CHUK: variants seen among roughly 807,000 people sequenced by gnomAD.
CHUK encodes component of inhibitor of nuclear factor kappa B kinase complex, also known as inhibitor of nuclear factor kappa-B kinase subunit alpha.
Under a neutral mutation model 104.8 loss-of-function variants are expected in CHUK, and 35 were observed. The ratio of observed to expected loss-of-function variants is 0.33; its 90% CI spans 0.26 to 0.44. The LOEUF (loss-of-function observed/expected upper bound fraction) is 0.44, where lower values mean the gene tolerates loss of function less well. Ranked by LOEUF, CHUK falls within the 20% of genes least tolerant of loss-of-function variation. The probability of loss-of-function intolerance (pLI) is 1.00; values close to 1 mark genes in which losing one functional copy is unlikely to be tolerated. For missense variants in CHUK, 663 were observed against 902.7 expected, an observed-to-expected ratio of 0.73 and a Z score of 3.40; for synonymous variants, 276 against 291.9, an observed-to-expected ratio of 0.95 and a Z score of 0.56.
At position 100,222,935 on chromosome 10, in the gene CHUK, T is replaced by G. The variant is rs762413203; in HGVS notation, c.246A>C (p.Glu82Asp). 1 of 1,609,592 alleles carries G rather than the reference T, an allele frequency of 6.2e-7. No individual in the cohort carries two copies. The highest frequency in any genetic ancestry group is 1.1e-5 in the South Asian group (1 of 90,978). The change falls in exon 3 of 21, where the codon GAA becomes GAC. Residue 82 changes from glutamate to aspartate, a missense_variant. Glu to Asp is a conservative substitution (Grantham distance 45, BLOSUM62 2). Around this residue, in one of 5 missense-constraint regions of CHUK, gnomAD observed 200 missense variants for 333.0 expected, o/e 0.60. Coordinates refer to ENST00000370397, the MANE Select transcript of CHUK (RefSeq NM_001278.5). The stretch of plus-strand genomic sequence containing the variant: ...GCACATCATGAATCAAAATATTCAA[T>G]TCTTCAGGAACATCACAGGCCTTTA... Reference protein sequence around the residue: ...NVVKACDVPEELNILIHDVPL... With the variant: ...NVVKACDVPEDLNILIHDVPL...
chr10:100,209,379 C>T (rs1845668198), intron 10 of CHUK, among the ~76,000 whole-genome samples: 1 of 152,160 alleles, frequency 6.6e-6, no homozygotes, highest in South Asian at 2.1e-4. Context: ...GAGCAGAAAA[C>T]TGGCACCAAA....
chr10:100,221,247 C>T (rs1020208144), intron 4 of CHUK, among the ~76,000 whole-genome samples: 2 of 151,972 alleles, frequency 1.3e-5, no homozygotes, highest in African/African-American at 4.8e-5. Flanking sequence ...CCAGCCTGGC[C>T]AACACAGTGA....
intron 2 of CHUK, 42 bp downstream of exon 2, chr10:100,225,881 G>C (rs1258420013): frequency 1.8e-6 from 2 of 1,107,422 alleles, no homozygotes; most frequent in Admixed American, 3.4e-5. Context: ...CATCTGGTTG[G>C]GCTGTAGAAC....
intron 1 of CHUK, among the ~76,000 whole-genome samples, chr10:100,226,877 G>A (rs1255901162): frequency 1.3e-5 from 2 of 152,192 alleles, no homozygotes; most frequent in African/African-American, 4.8e-5. Flanking sequence ...ACATAGCTTG[G>A]ATAGGGTAGT....
chr10:100,208,592 G>A (rs1198820854), intron 10 of CHUK, among the ~76,000 whole-genome samples: 2 of 151,930 alleles, frequency 1.3e-5, no homozygotes, highest in Non-Finnish European at 2.9e-5. Flanking sequence ...GCCTGAGGTC[G>A]GTCAGGAGTG....
At chr10:100,220,892 T>C (rs1442158326) in intron 4 of CHUK, among the ~76,000 whole-genome samples, 1 of 152,172 alleles carries the variant, frequency 6.6e-6, no homozygotes, top group African/African-American at 2.4e-5. Flanking sequence ...ATTTAACTCA[T>C]TAGAATTAAC....
chr10:100,189,626 T>C lies in CHUK; in HGVS notation c.2210A>G (p.Asn737Ser). 1 of 1,611,194 alleles carries C rather than the reference T, an allele frequency of 6.2e-7. No homozygotes were observed. Among genetic ancestry groups the C allele is most frequent in the Non-Finnish European group, 8.5e-7 (1 of 1,177,368 alleles). The change falls in exon 21 of 21, where the codon AAT becomes AGT. Residue 737 changes from asparagine (N) to serine (S), a missense_variant and splice_region_variant. Around this residue, in one of 5 missense-constraint regions of CHUK, gnomAD observed 311 missense variants for 393.4 expected, o/e 0.79. Coordinates refer to ENST00000370397, the MANE Select transcript of CHUK (RefSeq NM_001278.5). ...ANEEQGNSMMNLDWSWLTE is the reference protein window; with the variant it reads ...ANEEQGNSMMSLDWSWLTE ...TTCTGTTAACCAACTCCAATCAAGA[T>C]TCTAAAACCAGGCATGAAAAAGTTA...
chr10:100,198,802 A>G (rs1466878841), intron 16 of CHUK, among the ~76,000 whole-genome samples: 1 of 152,226 alleles, frequency 6.6e-6, no homozygotes. Context: ...GTGTCTACAA[A>G]TTTTAAAGTG....
In CHUK at chr10:100,222,555, C is replaced by T. The variant is rs571580384; in HGVS notation, c.315+311G>A. ...ACACCATTGCTATAGTCCCATCAAA[C>T]AGCAACAACAAAAATGCATTTTCTA... On this transcript the variant is annotated intron_variant, in intron 3 of 20. Coordinates refer to ENST00000370397, the MANE Select transcript of CHUK (RefSeq NM_001278.5). Among the ~76,000 whole-genome samples, 30 of 152,266 alleles carry T rather than the reference C, an allele frequency of 2.0e-4. No individual in the cohort carries two copies. In the South Asian group the frequency reaches 6.2e-3, roughly 32 times the overall value.
chr10:100,209,458 A>G, intron 10 of CHUK, 137 bp downstream of exon 10: 1 of 670,782 alleles, frequency 1.5e-6, no homozygotes, highest in Non-Finnish European at 2.7e-6. Context: ...CAAAGCAATG[A>G]TAAGAGTTGG....
chr10:100,208,985 G>A (rs951980415), intron 10 of CHUK, among the ~76,000 whole-genome samples: 17 of 152,244 alleles, frequency 1.1e-4, no homozygotes, highest in African/African-American at 3.1e-4. Context: ...TTTATTGGGG[G>A]TCTGAAGGAA....
At chr10:100,228,991 G>A (rs867505185) in intron 1 of CHUK, among the ~76,000 whole-genome samples, 112 of 114,982 alleles carry the variant, frequency 9.7e-4, no homozygotes, top group Middle Eastern at 4.2e-3. Context: ...GCGCGCGCGC[G>A]CGCACACACA....
At chr10:100,222,054 A>G in intron 4 of CHUK, 58 bp downstream of exon 4, 1 of 879,768 alleles carries the variant, frequency 1.1e-6, no homozygotes, top group Non-Finnish European at 1.9e-6. Flanking sequence ...TCCCAAAAAG[A>G]TCTTTTATGG....
chr10:100,227,880 T>C (rs551656890), intron 1 of CHUK, among the ~76,000 whole-genome samples: 1 of 152,246 alleles, frequency 6.6e-6, no homozygotes, highest in Admixed American at 6.5e-5. Flanking sequence ...TTAACTTCTC[T>C]ATTCACAAGC....
chr10:100,205,792 G>A (rs1380268740), intron 11 of CHUK, among the ~76,000 whole-genome samples: 1 of 152,184 alleles, frequency 6.6e-6, no homozygotes, highest in Non-Finnish European at 1.5e-5. Context: ...GCTGGGCGTG[G>A]TGGTGTGCAC....
At chr10:100,227,560 T>C (rs1026558210) in intron 1 of CHUK, among the ~76,000 whole-genome samples, 1 of 152,062 alleles carries the variant, frequency 6.6e-6, no homozygotes, top group Admixed American at 6.6e-5. Context: ...TTTTTTTTTT[T>C]TAGTGTGTTA....
chr10:100,200,547 C>T (rs941832779), intron 15 of CHUK, 124 bp downstream of exon 15: 1 of 677,582 alleles, frequency 1.5e-6, no homozygotes, highest in South Asian at 1.6e-5. Flanking sequence ...AAATATAATG[C>T]CAATATATTT....
At position 100,193,985 on chromosome 10, in the gene CHUK, C is replaced by T. The variant is rs1845265139; in HGVS notation, c.1973G>A (p.Cys658Tyr). ...KEIWHLLKIA[C>Y]TQSSARSLVG... ...AATAATTCATTAATAATTACTTACACAGGCAATTTTAAGGAGATGCCATAT... is the reference window on the plus strand; with the variant it reads ...AATAATTCATTAATAATTACTTACATAGGCAATTTTAAGGAGATGCCATAT... Residue 658 changes from cysteine (C) to tyrosine (Y), a missense_variant and splice_region_variant, in exon 18 of 21, where the codon TGT becomes TAT. Coordinates refer to ENST00000370397, the MANE Select transcript of CHUK (RefSeq NM_001278.5). The T allele has an allele frequency of 6.2e-6, 10 of 1,612,188 alleles. No homozygotes were observed. The highest frequency in any genetic ancestry group is 8.5e-6 in the Non-Finnish European group (10 of 1,178,472).
At chr10:100,187,963 C>T (rs1199177588), downstream of CHUK, 1 of 152,084 alleles carries the variant, frequency 6.6e-6, no homozygotes, top group Non-Finnish European at 1.5e-5. Context: ...TAACAGGTAC[C>T]CAATAAATGT....
Sources: allele counts gnomAD v4.1 joint callset (sites outside exome capture counted in the v4.1 genomes callset), GRCh38; gene constraint gnomAD v4.1.1; regional missense constraint gnomAD v4.1.1; transcripts MANE v1.5; gene names NCBI Gene and HGNC (gene_info 2026-07-23, HGNC 2026-07-21).